The following PLPPR5 variants were observed in gnomAD, a reference collection of about 807,000 sequenced individuals.
PLPPR5 encodes phospholipid phosphatase related 5, also known as phospholipid phosphatase-related protein type 5.
Under a neutral mutation model 33.9 loss-of-function variants are expected in PLPPR5, and 16 were observed. That is an observed-to-expected ratio of 0.47 (90% confidence interval 0.32 to 0.72). The LOEUF is 0.72. Among genes scored for constraint, PLPPR5 ranks in the 30% least tolerant of loss-of-function variants. The probability of loss-of-function intolerance (pLI) is 0.03; values close to 1 mark genes in which losing one functional copy is unlikely to be tolerated. For missense variants in PLPPR5, 301 were observed against 406.7 expected (o/e 0.74, Z 2.23); for synonymous variants, 163 against 150.3 (o/e 1.08, Z -0.62).
intron 3 of PLPPR5, among the ~76,000 whole-genome samples, chr1:98,941,183 C>A (rs1043439777): frequency 1.3e-5 from 2 of 151,828 alleles, no homozygotes; most frequent in Non-Finnish European, 2.9e-5. Context: ...TTGCTGGTAA[C>A]AGTTTTCTGA....
intron 1 of PLPPR5, among the ~76,000 whole-genome samples, chr1:98,986,525 A>C (rs1652270512): frequency 6.6e-6 from 1 of 151,872 alleles, no homozygotes; most frequent in Non-Finnish European, 1.5e-5. Flanking sequence ...AGAAGTTGTA[A>C]AGTATAAGGA....
intron 3 of PLPPR5, among the ~76,000 whole-genome samples, chr1:98,925,231 G>A (rs990115262): frequency 6.6e-6 from 1 of 151,026 alleles, no homozygotes. Context: ...AAACCATCTA[G>A]GTTAACCAGA....
intron 5 of PLPPR5, among the ~76,000 whole-genome samples, chr1:98,902,542 T>C (rs1226804542): frequency 1.3e-5 from 2 of 152,170 alleles, no homozygotes; most frequent in Non-Finnish European, 2.9e-5. Context: ...GAGTCATTGC[T>C]TATTTACCTA....
chr1:98,973,871 G>A (rs191512401), intron 1 of PLPPR5, among the ~76,000 whole-genome samples: 157 of 151,534 alleles, frequency 1.0e-3, no homozygotes, highest in African/African-American at 3.6e-3. Flanking sequence ...TTTGTTCACA[G>A]TGGGAGGCCA....
At chr1:98,968,403 CTTCT>C (rs1651528380) in intron 1 of PLPPR5, among the ~76,000 whole-genome samples, 2 of 151,942 alleles carry the variant, frequency 1.3e-5, no homozygotes, top group African/African-American at 4.8e-5. Context: ...ATTTTCCCCT[CTTCT>C]TTATCAACAA....
intron 1 of PLPPR5, among the ~76,000 whole-genome samples, chr1:98,964,653 C>G (rs1340839034): frequency 6.6e-6 from 1 of 152,176 alleles, no homozygotes; most frequent in Non-Finnish European, 1.5e-5. Flanking sequence ...CCAAGAGAGG[C>G]AAAGCACCTG....
chr1:99,005,369 C>G (rs1653049775), upstream of PLPPR5, among the ~76,000 whole-genome samples: 1 of 152,150 alleles, frequency 6.6e-6, no homozygotes, highest in Admixed American at 6.5e-5. Flanking sequence ...CCTCGAATTC[C>G]TTGACCCAGC....
In PLPPR5 at chr1:98,904,456, C is replaced by A. The variant is rs116592008; in HGVS notation, c.933+10330G>T. Among the ~76,000 whole-genome samples the A allele has an allele frequency of 5.7e-3, 863 of 152,116 alleles. 7 individuals are homozygous for A. Among genetic ancestry groups the A allele is most frequent in the African/African-American group, 0.02 (829 of 41,504 alleles). On this transcript the variant is annotated intron_variant, in intron 5 of 5. Transcript: ENST00000263177. Reference sequence around the variant, plus strand: ...AATAAAACTATATGGATATTAATTTCCCTTAGATCTACTGGAAATATCCCA... The same window carrying A: ...AATAAAACTATATGGATATTAATTTACCTTAGATCTACTGGAAATATCCCA...
At chr1:98,997,693 A>G (rs2100766104) in intron 1 of PLPPR5, among the ~76,000 whole-genome samples, 1 of 152,314 alleles carries the variant, frequency 6.6e-6, no homozygotes, top group African/African-American at 2.4e-5. Flanking sequence ...TTTCCACACC[A>G]CAGACTAAGG....
intron 1 of PLPPR5, among the ~76,000 whole-genome samples, chr1:98,982,688 T>A (rs1652098928): frequency 6.6e-6 from 1 of 152,060 alleles, no homozygotes; most frequent in South Asian, 2.1e-4. Context: ...TTAAATGTGT[T>A]GTAATTTTGT....
intron 1 of PLPPR5, among the ~76,000 whole-genome samples, chr1:98,993,274 T>C (rs1160870486): frequency 6.6e-6 from 1 of 152,114 alleles, no homozygotes; most frequent in Non-Finnish European, 1.5e-5. Flanking sequence ...AAGCATGTTC[T>C]CTTTCACACT....
intron 1 of PLPPR5, among the ~76,000 whole-genome samples, chr1:98,963,532 A>G (rs1651322772): frequency 6.6e-6 from 1 of 152,212 alleles, no homozygotes; most frequent in South Asian, 2.1e-4. Context: ...AGACAGAGAG[A>G]GAGAGAGATT....
At chr1:98,912,141 T>C (rs116508783) in intron 5 of PLPPR5, among the ~76,000 whole-genome samples, 2,053 of 152,346 alleles carry the variant, frequency 0.013, 18 homozygotes, top group Middle Eastern at 0.017. Context: ...ATTCAGCTTT[T>C]AAATGTATTT....
At chr1:99,005,210 T>C (rs894510904), upstream of PLPPR5, among the ~76,000 whole-genome samples, 1 of 151,924 alleles carries the variant, frequency 6.6e-6, no homozygotes, top group Non-Finnish European at 1.5e-5. Flanking sequence ...TTCCAGAAAC[T>C]CTTCCGAGGC....
At chr1:98,944,276 A>G (rs1402628586) in intron 3 of PLPPR5, among the ~76,000 whole-genome samples, 1 of 152,234 alleles carries the variant, frequency 6.6e-6, no homozygotes, top group African/African-American at 2.4e-5. Context: ...AGGACGCACA[A>G]TACTTTGTAG....
chr1:99,001,673 T>TAGATATATATATAC lies in PLPPR5; in HGVS notation c.237+2761_237+2762insGTATATATATATCT, dbSNP rs1362937734. The stretch of plus-strand genomic sequence containing the variant: ...TAGAAATGAGTTTGAAAGTTAAAGA[T>TAGATATATATATAC]ATATATATATATATATATATATATA... On this transcript the variant is annotated intron_variant, in intron 1 of 5. Transcript: ENST00000263177. Among the ~76,000 whole-genome samples the TAGATATATATATAC allele has an allele frequency of 7.8e-5, 3 of 38,708 alleles. No individual in the cohort carries two copies. In the East Asian group the frequency reaches 2.2e-3, roughly 28 times the overall value. 25.4% of individuals were successfully genotyped at this position (38,708 alleles called of 152,430 possible). A position where few individuals can be genotyped will look rare whatever the true frequency, so the allele number is the denominator to read the frequency against.
At chr1:99,001,016 G>C (rs1233519795) in intron 1 of PLPPR5, among the ~76,000 whole-genome samples, 2 of 151,928 alleles carry the variant, frequency 1.3e-5, no homozygotes, top group Non-Finnish European at 2.9e-5. Flanking sequence ...ATGGGCCAAA[G>C]ATGACATTTA....
chr1:98,938,159 AG>A (rs1185163024), intron 3 of PLPPR5, among the ~76,000 whole-genome samples: 6 of 152,098 alleles, frequency 3.9e-5, no homozygotes, highest in African/African-American at 1.4e-4. Context: ...AAAAAGAAAA[AG>A]GAAAAAAAAA....
rs1277141633 is a variant in PLPPR5 at position 99,004,310 on chromosome 1, C to T, written c.237+125G>A. ...AGAATGTCCTCTGGGGAAGGGGCTG[C>T]CCATAACTTGGAGGAACTTAGAAGG... On this transcript the variant is annotated intron_variant, in intron 1 of 5. Coordinates refer to ENST00000263177, the MANE Select transcript of PLPPR5 (RefSeq NM_001037317.2). 5 of 807,692 alleles carry T rather than the reference C, an allele frequency of 6.2e-6. No individual in the cohort carries two copies. In the East Asian group the frequency reaches 8.4e-5, roughly 14 times the overall value. The allele number at this position is 807,692 out of a possible 1,614,324, so 50.0% of individuals were successfully genotyped here.
Sources: gnomAD v4.1 joint callset for allele counts (sites outside exome capture counted in the v4.1 genomes callset) on GRCh38, gnomAD v4.1.1 for gene constraint, MANE v1.5 for transcripts, NCBI Gene and HGNC (gene_info 2026-07-23, HGNC 2026-07-21) for gene names.